PTPRD: variants seen among roughly 807,000 people sequenced by gnomAD.
PTPRD encodes receptor-type tyrosine-protein phosphatase delta.
Under a neutral mutation model 214.5 loss-of-function variants are expected in PTPRD, and 34 were observed. That is an observed-to-expected ratio of 0.16 (90% confidence interval 0.12 to 0.21). The LOEUF (loss-of-function observed/expected upper bound fraction) is 0.21. Among genes scored for constraint, PTPRD ranks in the 10% least tolerant of loss-of-function variants. The pLI is 1.00. For synonymous variants in PTPRD, 1,128 were observed against 845.7 expected (o/e 1.33, Z -5.79); for missense variants, 2,545 against 2,398.7 (o/e 1.06, Z -1.27).
chr9:10,034,768 T>G (rs909177425), intron 3 of PTPRD, among the ~76,000 whole-genome samples: 2 of 152,190 alleles, frequency 1.3e-5, no homozygotes, highest in Non-Finnish European at 2.9e-5. Context: ...TTGTTCTTTT[T>G]TATGGCTGCA....
intron 7 of PTPRD, among the ~76,000 whole-genome samples, chr9:9,666,101 C>A (rs1292430463): frequency 1.3e-5 from 2 of 151,588 alleles, no homozygotes; most frequent in Non-Finnish European, 3.0e-5. Context: ...AGTTGTATAC[C>A]CATAAACCCC....
intron 7 of PTPRD, among the ~76,000 whole-genome samples, chr9:9,717,360 T>A (rs909565578): frequency 6.6e-6 from 1 of 152,216 alleles, no homozygotes; most frequent in Non-Finnish European, 1.5e-5. Flanking sequence ...ATATGAACTT[T>A]AAAGTAGTTT....
intron 2 of PTPRD, among the ~76,000 whole-genome samples, chr9:10,460,800 T>C (rs1028742802): frequency 1.2e-4 from 18 of 152,080 alleles, no homozygotes; most frequent in African/African-American, 3.1e-4. Context: ...GTAGAGAACA[T>C]AGAGGAAAAG....
intron 7 of PTPRD, among the ~76,000 whole-genome samples, chr9:9,678,045 A>C (rs914408787): frequency 2.6e-5 from 4 of 152,150 alleles, no homozygotes; most frequent in Admixed American, 2.6e-4. Context: ...GAGAACTACA[A>C]ATCACTGCTC....
chr9:10,540,459 G>T (rs994048234), intron 2 of PTPRD, among the ~76,000 whole-genome samples: 1 of 152,180 alleles, frequency 6.6e-6, no homozygotes, highest in Non-Finnish European at 1.5e-5. Context: ...AAGATTTAAA[G>T]AAATCAAACC....
intron 11 of PTPRD, among the ~76,000 whole-genome samples, chr9:8,791,257 G>A (rs544921659): frequency 1.3e-4 from 20 of 151,818 alleles, no homozygotes; most frequent in African/African-American, 2.7e-4. Flanking sequence ...ACAGAGTCTC[G>A]CTCTGTTGCC....
At chr9:10,276,650 T>C (rs1434071757) in intron 3 of PTPRD, among the ~76,000 whole-genome samples, 2 of 152,324 alleles carry the variant, frequency 1.3e-5, no homozygotes, top group East Asian at 3.9e-4. Flanking sequence ...ACCTACCTAA[T>C]TGATTAAAAG....
At chr9:9,947,607 TTTA>T (rs2092948040) in intron 4 of PTPRD, among the ~76,000 whole-genome samples, 1 of 58,152 alleles carries the variant, frequency 1.7e-5, no homozygotes, top group Non-Finnish European at 3.1e-5. Context: ...ATATATATAT[TTTA>T]TATATATATA....
intron 2 of PTPRD, among the ~76,000 whole-genome samples, chr9:10,420,782 C>T (rs2098538473): frequency 1.3e-5 from 2 of 151,856 alleles, no homozygotes; most frequent in Non-Finnish European, 2.9e-5. Flanking sequence ...TTCTTTATCA[C>T]TTAAATATTG....
intron 5 of PTPRD, among the ~76,000 whole-genome samples, chr9:9,882,080 A>ATC (rs2153741584): frequency 6.6e-6 from 1 of 152,244 alleles, no homozygotes; most frequent in East Asian, 1.9e-4. Context: ...ACTAATATAT[A>ATC]TTAAGATTTC....
chr9:8,650,699 C>T (rs1242943446), intron 12 of PTPRD, among the ~76,000 whole-genome samples: 2 of 151,866 alleles, frequency 1.3e-5, no homozygotes, highest in East Asian at 1.9e-4. Context: ...AGACCAATAC[C>T]CTGACAGAGA....
intron 11 of PTPRD, among the ~76,000 whole-genome samples, chr9:8,989,340 C>A (rs997377869): frequency 6.6e-6 from 1 of 152,070 alleles, no homozygotes; most frequent in Non-Finnish European, 1.5e-5. Context: ...TACCCCTTAA[C>A]CAATTTCTCT....
At chr9:9,508,351 T>G (rs2154240423) in intron 8 of PTPRD, among the ~76,000 whole-genome samples, 1 of 151,434 alleles carries the variant, frequency 6.6e-6, no homozygotes, top group South Asian at 2.1e-4. Flanking sequence ...GCGTTGTTTC[T>G]TCTACTTTCC....
intron 9 of PTPRD, among the ~76,000 whole-genome samples, chr9:9,282,995 C>G (rs1359600254): frequency 1.3e-5 from 2 of 151,466 alleles, no homozygotes; most frequent in African/African-American, 2.4e-5. Context: ...AATATCCACT[C>G]TCATCTGACT....
intron 9 of PTPRD, among the ~76,000 whole-genome samples, chr9:9,358,048 A>AT (rs529597006): frequency 9.3e-5 from 14 of 151,078 alleles, no homozygotes; most frequent in African/African-American, 1.9e-4. Flanking sequence ...TTTCTATAAG[A>AT]TTTTTTTTGT....
intron 14 of PTPRD, among the ~76,000 whole-genome samples, chr9:8,588,524 T>C (rs1448192049): frequency 6.6e-6 from 1 of 152,202 alleles, no homozygotes; most frequent in Non-Finnish European, 1.5e-5. Flanking sequence ...TTTGCTTTAT[T>C]ATAGAAAGAA....
intron 3 of PTPRD, among the ~76,000 whole-genome samples, chr9:10,253,589 C>A (rs2092983518): frequency 6.6e-6 from 1 of 152,274 alleles, no homozygotes; most frequent in African/African-American, 2.4e-5. Context: ...AGTTTCATCG[C>A]TCAGCTTTAT....
intron 10 of PTPRD, among the ~76,000 whole-genome samples, chr9:9,020,450 G>C (rs924854800): frequency 2.0e-5 from 3 of 152,112 alleles, no homozygotes; most frequent in Admixed American, 2.0e-4. Flanking sequence ...AAAGATGCTG[G>C]ATTGATTCAT....
chr9:10,063,477 G>C (rs190928579), intron 3 of PTPRD, among the ~76,000 whole-genome samples: 18 of 152,134 alleles, frequency 1.2e-4, no homozygotes, highest in Admixed American at 1.2e-3. Context: ...TGGGGTTTAT[G>C]ATCTAGATAT....
Sources: gnomAD v4.1 joint callset for allele counts (sites outside exome capture counted in the v4.1 genomes callset) on GRCh38, gnomAD v4.1.1 for gene constraint, MANE v1.5 for transcripts, NCBI Gene and HGNC (gene_info 2026-07-23, HGNC 2026-07-21) for gene names.